MSRA: variants seen among roughly 807,000 people sequenced by gnomAD.
The protein encoded by MSRA is mitochondrial peptide methionine sulfoxide reductase.
A neutral mutation model predicts 31.3 loss-of-function variants in MSRA; 54 were observed. That is an observed-to-expected ratio of 1.73 (90% CI 1.39 to 2.17). The LOEUF is 2.17. MSRA is among the 30% of genes most tolerant of loss of function. The probability of loss-of-function intolerance (pLI) is 0.00; values close to 1 mark genes in which losing one functional copy is unlikely to be tolerated. For missense variants in MSRA, 507 were observed against 300.9 expected (o/e 1.69, Z -5.07); for synonymous variants, 169 against 116.5 (o/e 1.45, Z -2.90).
At chr8:10,184,708 G>T (rs1380611521) in intron 1 of MSRA, among the ~76,000 whole-genome samples, 1 of 152,076 alleles carries the variant, frequency 6.6e-6, no homozygotes, top group African/African-American at 2.4e-5. Flanking sequence ...GTGTAGACAG[G>T]TAGAGCAGGC....
intron 3 of MSRA, among the ~76,000 whole-genome samples, chr8:10,290,401 G>C (rs1249768950): frequency 6.6e-6 from 1 of 152,026 alleles, no homozygotes; most frequent in Admixed American, 6.6e-5. Context: ...CATTTGGCTA[G>C]ATGACCTTTC....
At chr8:10,234,107 C>T (rs1033018619) in intron 2 of MSRA, among the ~76,000 whole-genome samples, 3 of 152,022 alleles carry the variant, frequency 2.0e-5, no homozygotes. Flanking sequence ...TATAAAAAGA[C>T]TTAAGAGATT....
intron 1 of MSRA, among the ~76,000 whole-genome samples, chr8:10,128,310 C>T (rs371176120): frequency 1.3e-5 from 2 of 151,452 alleles, no homozygotes; most frequent in East Asian, 1.9e-4. Flanking sequence ...ACCTGGGAGG[C>T]GGAGGTTGCC....
rs757869210 is a variant in MSRA at position 10,428,327 on chromosome 8, G to T, written c.*15G>T. On this transcript the variant is annotated 3_prime_UTR_variant, in exon 6 of 6. Transcript: ENST00000317173. ...TTAAAAAATAATTTCTCCCCACATG[G>T]TGGGCCTTTGAGGTTCCAGTAAAAA... 5.0e-6 allele frequency: 8 copies of T among 1,611,078 alleles called. No individual in the cohort carries two copies. In the African/African-American group the frequency reaches 8.0e-5, roughly 16 times the overall value.
chr8:10,193,477 G>A (rs901175826), intron 1 of MSRA, among the ~76,000 whole-genome samples: 2 of 152,218 alleles, frequency 1.3e-5, no homozygotes, highest in Non-Finnish European at 2.9e-5. Flanking sequence ...GCTAGAATGT[G>A]CAAGTTTTTA....
chr8:10,347,978 C>T (rs994736387), intron 5 of MSRA, among the ~76,000 whole-genome samples: 4 of 152,206 alleles, frequency 2.6e-5, no homozygotes, highest in African/African-American at 9.6e-5. Flanking sequence ...GAAACATCCA[C>T]CCTAGCTGGT....
intron 4 of MSRA, among the ~76,000 whole-genome samples, chr8:10,309,170 CAT>C (rs766213223): frequency 5.3e-5 from 8 of 152,262 alleles, no homozygotes; most frequent in African/African-American, 1.2e-4. Flanking sequence ...GGTAAAATCA[CAT>C]GTTTAATTGT....
intron 5 of MSRA, among the ~76,000 whole-genome samples, chr8:10,410,260 A>T (rs1808075364): frequency 6.6e-6 from 1 of 152,178 alleles, no homozygotes; most frequent in African/African-American, 2.4e-5. Flanking sequence ...AAAGTCTGCC[A>T]ACAGGCTAGG....
At chr8:10,421,863 G>A (rs1377945871) in intron 5 of MSRA, among the ~76,000 whole-genome samples, 2 of 152,166 alleles carry the variant, frequency 1.3e-5, no homozygotes, top group African/African-American at 4.8e-5. Context: ...CTCAGCCATA[G>A]AAATGGGGAT....
chr8:10,359,346 T>G (rs779300202), intron 5 of MSRA, among the ~76,000 whole-genome samples: 4 of 152,198 alleles, frequency 2.6e-5, no homozygotes, highest in Non-Finnish European at 5.9e-5. Context: ...TTACACAGCT[T>G]TTGTTTTATA....
chr8:10,054,444 T>C lies in MSRA; in HGVS notation c.-73T>C. The C allele has an allele frequency of 1.6e-6, 2 of 1,246,786 alleles. No homozygotes were observed. Among genetic ancestry groups the C allele is most frequent in the Non-Finnish European group, 2.1e-6 (2 of 949,934 alleles). 77.2% of individuals were successfully genotyped at this position (1,246,786 alleles called of 1,614,324 possible). A position where few individuals can be genotyped will look rare whatever the true frequency, so the allele number is the denominator to read the frequency against. On this transcript the variant is annotated 5_prime_UTR_variant, in exon 1 of 6. Transcript: ENST00000317173. ...CCGGTTCCGGCCGCGGACCCCACTC[T>C]CTGCCGTTCCGGCTGCGGCTCCGCT...
intron 1 of MSRA, among the ~76,000 whole-genome samples, chr8:10,139,142 G>A (rs1802499916): frequency 6.6e-6 from 1 of 152,218 alleles, no homozygotes; most frequent in Non-Finnish European, 1.5e-5. Flanking sequence ...TGAGGTTTGA[G>A]TTTCTGATGT....
chr8:10,371,846 A>T (rs1490049096), intron 5 of MSRA, among the ~76,000 whole-genome samples: 1 of 152,114 alleles, frequency 6.6e-6, no homozygotes, highest in East Asian at 1.9e-4. Context: ...GACTTGGGAC[A>T]TGGTTGACTT....
intron 5 of MSRA, among the ~76,000 whole-genome samples, chr8:10,333,210 A>G (rs995332494): frequency 6.6e-6 from 1 of 152,234 alleles, no homozygotes; most frequent in East Asian, 1.9e-4. Flanking sequence ...CTCATCTTTC[A>G]GTGGCAACAG....
rs371129783 is a variant in MSRA at position 10,239,837 on chromosome 8, G to A, written c.212-5267G>A. Among the ~76,000 whole-genome samples the A allele has an allele frequency of 6.0e-4, 92 of 152,294 alleles. 3 individuals are homozygous for A. In the South Asian group the frequency reaches 0.018, roughly 30 times the overall value. On this transcript the variant is annotated intron_variant, in intron 2 of 5. Coordinates refer to ENST00000317173, the MANE Select transcript of MSRA (RefSeq NM_012331.5). ...TTCCAAACACGTGTATTATTCATTTGGGGAACATGGTGTGTCCCTACCTTT... is the reference window on the plus strand; with the variant it reads ...TTCCAAACACGTGTATTATTCATTTAGGGAACATGGTGTGTCCCTACCTTT...
chr8:10,383,560 G>T (rs189990912), intron 5 of MSRA, among the ~76,000 whole-genome samples: 1 of 151,442 alleles, frequency 6.6e-6, no homozygotes, highest in Non-Finnish European at 1.5e-5. Context: ...TTTTTTCCAG[G>T]TGGTTTCAGG....
intron 5 of MSRA, among the ~76,000 whole-genome samples, chr8:10,372,964 A>G (rs1034704515): frequency 6.6e-6 from 1 of 152,174 alleles, no homozygotes; most frequent in Non-Finnish European, 1.5e-5. Flanking sequence ...TCTCGGCCCA[A>G]TTGCAACCTC....
intron 1 of MSRA, among the ~76,000 whole-genome samples, chr8:10,186,234 C>T (rs1256512627): frequency 6.6e-6 from 1 of 152,162 alleles, no homozygotes; most frequent in African/African-American, 2.4e-5. Context: ...CTTCTCATCC[C>T]TGTTCTAGGA....
intron 4 of MSRA, among the ~76,000 whole-genome samples, chr8:10,307,884 G>C (rs1213991807): frequency 1.3e-5 from 2 of 152,224 alleles, no homozygotes; most frequent in Non-Finnish European, 2.9e-5. Context: ...CAAAATCCCT[G>C]AGACACCTTA....
Sources: allele counts gnomAD v4.1 joint callset (sites outside exome capture counted in the v4.1 genomes callset), GRCh38; gene constraint gnomAD v4.1.1; transcripts MANE v1.5; gene names NCBI Gene and HGNC (gene_info 2026-07-23, HGNC 2026-07-21).